Variants in WDR72 observed in about 807,000 individuals in gnomAD.
The protein encoded by WDR72 is WD repeat-containing protein 72.
Under a neutral mutation model 124.2 loss-of-function variants are expected in WDR72, and 120 were observed. The observed-to-expected ratio is 0.97, with a 90% CI of 0.83 to 1.12. WDR72 has a LOEUF of 1.12. Among genes scored for constraint, WDR72 ranks in the 50% most tolerant of loss-of-function variants. The pLI, the probability that WDR72 is intolerant of heterozygous loss-of-function variation, is 0.00. For synonymous variants in WDR72, 452 were observed against 441.7 expected (o/e 1.02, Z -0.29); for missense variants, 1,387 against 1,278.8 (o/e 1.08, Z -1.29).
chr15:53,535,904 T>A (rs1892736870), intron 18 of WDR72, among the ~76,000 whole-genome samples: 1 of 152,182 alleles, frequency 6.6e-6, no homozygotes, highest in African/African-American at 2.4e-5. Context: ...TGGTTCACAC[T>A]AATTTACTTC....
chr15:53,647,703 A>G (rs2015091465), intron 14 of WDR72, among the ~76,000 whole-genome samples: 1 of 152,114 alleles, frequency 6.6e-6, no homozygotes. Flanking sequence ...AGGTTGGTAC[A>G]TTGAGTGAAT....
intron 14 of WDR72, among the ~76,000 whole-genome samples, chr15:53,642,648 T>C (rs571839067): frequency 2.6e-5 from 4 of 152,210 alleles, no homozygotes; most frequent in African/African-American, 7.2e-5. Flanking sequence ...AAACTGATAC[T>C]GCTATACAGT....
intron 18 of WDR72, among the ~76,000 whole-genome samples, chr15:53,543,672 CA>C: frequency 6.6e-6 from 1 of 151,592 alleles, no homozygotes; most frequent in East Asian, 2.0e-4. Context: ...AATAGAGACA[CA>C]AAAAACCGTT....
intron 18 of WDR72, among the ~76,000 whole-genome samples, chr15:53,560,031 C>T (rs910102291): frequency 6.6e-6 from 1 of 151,932 alleles, no homozygotes; most frequent in Admixed American, 6.6e-5. Flanking sequence ...AGTTTAGAAG[C>T]ACATGGCACA....
At chr15:53,701,700 T>TGCAAAATGGAAGTTATTGAAG in intron 12 of WDR72, among the ~76,000 whole-genome samples, 1 of 152,150 alleles carries the variant, frequency 6.6e-6, no homozygotes, top group Non-Finnish European at 1.5e-5. Context: ...CTCAGCTCAT[T>TGCAAAATGGAAGTTATTGAAG]GCAAAATGGA....
At chr15:53,542,832 G>C (rs1485683341) in intron 18 of WDR72, among the ~76,000 whole-genome samples, 1 of 65,974 alleles carries the variant, frequency 1.5e-5, no homozygotes, top group Non-Finnish European at 2.8e-5. Context: ...AAAAAAGGCA[G>C]GGGTTGCAAT....
chr15:53,566,199 G>A (rs865986701), intron 18 of WDR72, among the ~76,000 whole-genome samples: 1 of 151,894 alleles, frequency 6.6e-6, no homozygotes, highest in Non-Finnish European at 1.5e-5. Context: ...ATGAAACAGA[G>A]GCTCATAGTT....
intron 9 of WDR72, among the ~76,000 whole-genome samples, chr15:53,706,570 T>A (rs1274501125): frequency 1.3e-5 from 2 of 151,552 alleles, no homozygotes; most frequent in Non-Finnish European, 2.9e-5. Context: ...TTGAGTCCAG[T>A]CATTGTGATT....
intron 11 of WDR72, 116 bp from the exon 12 acceptor site, chr15:53,702,470 A>G: frequency 1.2e-6 from 1 of 848,208 alleles, no homozygotes; most frequent in Non-Finnish European, 1.9e-6. Flanking sequence ...TAAAGCATGC[A>G]CTTGGCTAAG....
At chr15:53,599,820 A>T (rs1363513338) in intron 17 of WDR72, among the ~76,000 whole-genome samples, 3 of 152,122 alleles carry the variant, frequency 2.0e-5, no homozygotes, top group African/African-American at 7.2e-5. Flanking sequence ...TTAATTTAAT[A>T]TTTCTAATTA....
At chr15:53,642,142 A>C (rs2014875779) in intron 14 of WDR72, among the ~76,000 whole-genome samples, 1 of 151,918 alleles carries the variant, frequency 6.6e-6, no homozygotes, top group Non-Finnish European at 1.5e-5. Context: ...CCCTTCTTTA[A>C]TCCCTGTAAT....
intron 1 of WDR72, among the ~76,000 whole-genome samples, chr15:53,741,584 GC>G (rs1354156794): frequency 6.6e-6 from 1 of 151,966 alleles, no homozygotes; most frequent in African/African-American, 2.4e-5. Context: ...AAGCATATGG[GC>G]AAAAATATAC....
At chr15:53,704,690 T>C (rs1193985655) in intron 11 of WDR72, among the ~76,000 whole-genome samples, 5 of 26,386 alleles carry the variant, frequency 1.9e-4, no homozygotes, top group Admixed American at 4.9e-4. Flanking sequence ...CATGCCCAGC[T>C]TTTTTTTTTT....
intron 13 of WDR72, among the ~76,000 whole-genome samples, chr15:53,686,338 T>A (rs1023985821): frequency 2.0e-5 from 3 of 151,902 alleles, no homozygotes; most frequent in African/African-American, 7.3e-5. Context: ...GAGACACACA[T>A]AGGCTCAAAA....
chr15:53,755,635 G>A (rs190011745), intron 1 of WDR72, among the ~76,000 whole-genome samples: 2 of 152,186 alleles, frequency 1.3e-5, no homozygotes, highest in African/African-American at 4.8e-5. Flanking sequence ...TCTTGACTCT[G>A]TTCTCCTCTT....
At chr15:53,574,243 G>T (rs975967411) in intron 18 of WDR72, among the ~76,000 whole-genome samples, 1 of 152,182 alleles carries the variant, frequency 6.6e-6, no homozygotes, top group Non-Finnish European at 1.5e-5. Context: ...AATTTCAGCC[G>T]AAGTGAAAAC....
chr15:53,704,406 G>A (rs2017275971), intron 11 of WDR72, among the ~76,000 whole-genome samples: 2 of 152,134 alleles, frequency 1.3e-5, no homozygotes, highest in African/African-American at 2.4e-5. Context: ...AAAATTTCAA[G>A]AAGAGTATAA....
At chr15:53,656,106 A>G (rs1355617846) in intron 14 of WDR72, among the ~76,000 whole-genome samples, 3 of 152,256 alleles carry the variant, frequency 2.0e-5, no homozygotes, top group Non-Finnish European at 4.4e-5. Flanking sequence ...AAATATGTGC[A>G]TAAGAAAGCC....
intron 14 of WDR72, among the ~76,000 whole-genome samples, chr15:53,646,621 C>T (rs1046275938): frequency 2.6e-5 from 4 of 152,010 alleles, no homozygotes; most frequent in Admixed American, 2.6e-4. Context: ...GTATTCTCCC[C>T]AACAAAAAGA....
Sources: gnomAD v4.1 joint callset for allele counts (sites outside exome capture counted in the v4.1 genomes callset) on GRCh38, gnomAD v4.1.1 for gene constraint, MANE v1.5 for transcripts, NCBI Gene and HGNC (gene_info 2026-07-23, HGNC 2026-07-21) for gene names.